Variants in ANP32A observed in about 807,000 individuals in gnomAD.
ANP32A encodes the protein acidic nuclear phosphoprotein 32 family member A.
A neutral mutation model predicts 33.9 loss-of-function variants in ANP32A; 1 was observed. The observed-to-expected ratio is 0.03, with a 90% CI of 0.01 to 0.14. The LOEUF (loss-of-function observed/expected upper bound fraction) is 0.14. ANP32A is among the 10% of genes least tolerant of loss of function. The probability of loss-of-function intolerance (pLI) is 1.00; values close to 1 mark genes in which losing one functional copy is unlikely to be tolerated. For synonymous variants in ANP32A, 115 were observed against 120.5 expected, an observed-to-expected ratio of 0.95 and a Z score of 0.30; for missense variants, 155 against 306.0, an observed-to-expected ratio of 0.51 and a Z score of 3.68.
chr15:68,805,957 G>C (rs1368569009), intron 1 of ANP32A, among the ~76,000 whole-genome samples: 1 of 152,188 alleles, frequency 6.6e-6, no homozygotes, highest in Admixed American at 6.5e-5. Flanking sequence ...TACAGAGTCG[G>C]CATTCATCAA....
At chr15:68,813,868 G>GTTT (rs34385351) in intron 1 of ANP32A, among the ~76,000 whole-genome samples, 96,808 of 118,244 alleles carry the variant, frequency 0.82, 42,228 homozygotes, top group Non-Finnish European at 0.95. Flanking sequence ...TTTCCAGGAA[G>GTTT]TTTTTTTTTT....
intron 1 of ANP32A, among the ~76,000 whole-genome samples, chr15:68,792,425 GAA>G (rs1303725091): frequency 6.6e-6 from 1 of 152,164 alleles, no homozygotes; most frequent in Non-Finnish European, 1.5e-5. Flanking sequence ...AGGAGGCAAT[GAA>G]GGTTCCCAAG....
Position 68,788,094 on chromosome 15 carries a change from C to T in ANP32A, c.55-175G>A, listed in dbSNP as rs1478058719. ...TGCCAACGACCACAGGATGGATTTG[C>T]CCACCCTGACTTTTCTGCCTTTTCA... On this transcript the variant is annotated intron_variant, in intron 1 of 6. Coordinates refer to ENST00000465139, the MANE Select transcript of ANP32A (RefSeq NM_006305.4). 2.0e-5 allele frequency among the ~76,000 whole-genome samples: 3 copies of T among 152,166 alleles called. No homozygotes were observed. In the East Asian group the frequency reaches 5.8e-4, roughly 29 times the overall value.
chr15:68,795,292 A>G (rs1894049073), intron 1 of ANP32A, among the ~76,000 whole-genome samples: 2 of 152,212 alleles, frequency 1.3e-5, no homozygotes. Context: ...TCTCCCCAAG[A>G]AAAAAGCATC....
intron 1 of ANP32A, among the ~76,000 whole-genome samples, chr15:68,796,441 C>T (rs1476830538): frequency 6.6e-6 from 1 of 152,204 alleles, no homozygotes; most frequent in Non-Finnish European, 1.5e-5. Flanking sequence ...TCTTGAACTC[C>T]TGACCTCATG....
At chr15:68,808,927 C>A (rs1293130246) in intron 1 of ANP32A, among the ~76,000 whole-genome samples, 1 of 152,200 alleles carries the variant, frequency 6.6e-6, no homozygotes, top group African/African-American at 2.4e-5. Flanking sequence ...CTTCACTGTG[C>A]ACCTCTGTCT....
chr15:68,781,884 G>A (rs1045044162), intron 5 of ANP32A, among the ~76,000 whole-genome samples: 8 of 152,192 alleles, frequency 5.3e-5, no homozygotes, highest in Non-Finnish European at 1.0e-4. Flanking sequence ...GATTACAGGC[G>A]TGAGCCACCG....
chr15:68,787,343 G>C, intron 3 of ANP32A, 70 bp downstream of exon 3: 1 of 1,595,854 alleles, frequency 6.3e-7, no homozygotes, highest in Non-Finnish European at 8.6e-7. Context: ...AAATGCAAAA[G>C]TAGTATTTGC....
At chr15:68,811,261 A>G (rs1894308334) in intron 1 of ANP32A, among the ~76,000 whole-genome samples, 1 of 152,096 alleles carries the variant, frequency 6.6e-6, no homozygotes, top group South Asian at 2.1e-4. Flanking sequence ...GATGGGCAGT[A>G]ACTACAGCGC....
intron 1 of ANP32A, among the ~76,000 whole-genome samples, chr15:68,802,661 T>TACTTGAGACGGA (rs1894153007): frequency 3.3e-5 from 5 of 152,210 alleles, no homozygotes; most frequent in Admixed American, 3.3e-4. Flanking sequence ...TTATCTTATT[T>TACTTGAGACGGA]ATTTATTTGA....
intron 1 of ANP32A, among the ~76,000 whole-genome samples, chr15:68,806,084 C>A (rs1389233156): frequency 6.6e-6 from 1 of 152,180 alleles, no homozygotes; most frequent in Non-Finnish European, 1.5e-5. Context: ...GCCACATAAC[C>A]CCTCCACAGT....
At chr15:68,813,560 G>A (rs1459669727) in intron 1 of ANP32A, among the ~76,000 whole-genome samples, 2 of 152,172 alleles carry the variant, frequency 1.3e-5, no homozygotes, top group East Asian at 1.9e-4. Context: ...CTACTTGAAG[G>A]CAGTGGTGCT....
intron 1 of ANP32A, among the ~76,000 whole-genome samples, chr15:68,793,804 C>T (rs1412108458): frequency 6.6e-6 from 1 of 152,216 alleles, no homozygotes; most frequent in Non-Finnish European, 1.5e-5. Flanking sequence ...AAGACAGTGA[C>T]AGCAGCGCAT....
intron 1 of ANP32A, among the ~76,000 whole-genome samples, chr15:68,820,294 C>T (rs977003737): frequency 1.3e-5 from 2 of 152,140 alleles, no homozygotes; most frequent in Admixed American, 1.3e-4. Flanking sequence ...ATCCAGGAGG[C>T]AGCCCCTCTC....
chr15:68,786,757 A>C (rs189761214), intron 3 of ANP32A, among the ~76,000 whole-genome samples: 1 of 152,166 alleles, frequency 6.6e-6, no homozygotes, highest in African/African-American at 2.4e-5. Flanking sequence ...CTGGCTGGTA[A>C]ATCAGTGAAG....
chr15:68,790,654 C>T (rs1458972927), intron 1 of ANP32A: 2 of 152,314 alleles, frequency 1.3e-5, no homozygotes, highest in Admixed American at 6.5e-5. Flanking sequence ...TGTGTTCTCT[C>T]CGTTTTAAAG....
chr15:68,788,340 A>C (rs1893959353), intron 1 of ANP32A, among the ~76,000 whole-genome samples: 1 of 150,904 alleles, frequency 6.6e-6, no homozygotes, highest in African/African-American at 2.4e-5. Flanking sequence ...CGCCACCCCA[A>C]TGCCCCCACA....
At position 68,818,398 on chromosome 15, in the gene ANP32A, C is replaced by G. The variant is rs1894419224; in HGVS notation, c.54+2300G>C. Reference sequence around the variant, plus strand: ...CTCCGGGAGCCATTTGTCTTAAGAACGTTTAAAAAAATACAGTTCCTCCTC... The same window carrying G: ...CTCCGGGAGCCATTTGTCTTAAGAAGGTTTAAAAAAATACAGTTCCTCCTC... On this transcript the variant is annotated intron_variant, in intron 1 of 6. Coordinates refer to ENST00000465139, the MANE Select transcript of ANP32A (RefSeq NM_006305.4). 5 of 160,602 alleles carry G rather than the reference C, an allele frequency of 3.1e-5. No individual in the cohort carries two copies. The South Asian group carries it at 6.5e-4, about 21-fold the overall frequency. 9.9% of individuals were successfully genotyped at this position (160,602 alleles called of 1,614,324 possible). A position where few individuals can be genotyped will look rare whatever the true frequency, so the allele number is the denominator to read the frequency against.
chr15:68,780,273 T>TG lies in ANP32A; in HGVS notation c.689-132dup. 1 of 1,563,128 alleles carries TG rather than the reference T, an allele frequency of 6.4e-7. No homozygotes were observed. The highest frequency in any genetic ancestry group is 8.7e-7 in the Non-Finnish European group (1 of 1,153,736). On this transcript the variant is annotated intron_variant, in intron 6 of 6. Coordinates refer to ENST00000465139, the MANE Select transcript of ANP32A (RefSeq NM_006305.4). The surrounding 1 kb of genome is among the most constrained non-coding windows in gnomAD (Gnocchi z 4.3). Reference sequence around the variant, plus strand: ...TCCTTGGAAACCGAGGCAAGACATCTGCACAGCTGGAAGGGGAATCTGAGG... The same window carrying TG: ...TCCTTGGAAACCGAGGCAAGACATCTGGCACAGCTGGAAGGGGAATCTGAGG...
Sources: gnomAD v4.1 joint callset for allele counts (sites outside exome capture counted in the v4.1 genomes callset) on GRCh38, gnomAD v4.1.1 for gene constraint, Gnocchi (gnomAD v3.1) non-coding constraint, MANE v1.5 for transcripts, NCBI Gene and HGNC (gene_info 2026-07-23, HGNC 2026-07-21) for gene names.